Variants in ZNF451 observed in about 807,000 individuals in gnomAD.
ZNF451 encodes zinc finger protein 451, also known as E3 SUMO-protein ligase ZNF451.
A neutral mutation model predicts 107.1 loss-of-function variants in ZNF451; 80 were observed. That is an observed-to-expected ratio of 0.75 (90% confidence interval 0.62 to 0.90). ZNF451 has a LOEUF of 0.90. ZNF451 is among the 40% of genes least tolerant of loss of function. ZNF451 has a pLI of 0.00. For missense variants in ZNF451, 1,107 were observed against 1,236.2 expected (o/e 0.90, Z 1.57); for synonymous variants, 362 against 406.5 (o/e 0.89, Z 1.32).
chr6:57,156,509 T>C (rs1763431581), intron 13 of ZNF451, among the ~76,000 whole-genome samples: 1 of 152,236 alleles, frequency 6.6e-6, no homozygotes, highest in African/African-American at 2.4e-5. Flanking sequence ...GTGTTCCTTC[T>C]TGTTTTCAGA....
Position 57,147,857 on chromosome 6 carries a change from C to G in ZNF451, c.1772C>G (p.Thr591Ser), listed in dbSNP as rs149062647. ...LTANKPSSAITVIDHSPANSS... is the reference protein window; with the variant it reads ...LTANKPSSAISVIDHSPANSS... ...GCTAACAAGCCTTCATCAGCTATTA[C>G]TGTTATTGATCATTCCCCGGCAAAT... is the stretch of plus-strand genomic sequence containing the variant. Residue 591 changes from threonine to serine, a missense_variant, in exon 10 of 15, where the codon ACT (threonine) becomes AGT (serine). Thr to Ser is a moderately conservative substitution (Grantham distance 58). Transcript: ENST00000370706. 5.6e-6 allele frequency: 9 copies of G among 1,614,026 alleles called. No homozygotes were observed. The African/African-American group carries it at 1.1e-4, about 19-fold the overall frequency.
chr6:57,101,568 T>C (rs1252218242), intron 3 of ZNF451: 2 of 1,550,936 alleles, frequency 1.3e-6, no homozygotes. Flanking sequence ...CTGCCTCCAT[T>C]GCAGCCCGAG....
At chr6:57,148,732 T>C in intron 10 of ZNF451, 39 bp downstream of exon 10, 1 of 1,516,678 alleles carries the variant, frequency 6.6e-7, no homozygotes, top group East Asian at 2.3e-5. Flanking sequence ...CATATACTGA[T>C]ATTGAAACTT....
intron 13 of ZNF451, 159 bp downstream of exon 13, chr6:57,154,206 C>A: frequency 1.4e-6 from 1 of 703,358 alleles, no homozygotes; most frequent in Non-Finnish European, 2.3e-6. Flanking sequence ...AAAAATCTCA[C>A]TTTCATTCTT....
intron 3 of ZNF451, chr6:57,124,422 A>G (rs1433669802): frequency 2.8e-6 from 2 of 715,388 alleles, no homozygotes; most frequent in Middle Eastern, 4.6e-4. Context: ...TCTCTCTCCA[A>G]TTTTAGGGGT....
Position 57,148,016 on chromosome 6 carries a change from C to G in ZNF451, c.1931C>G (p.Pro644Arg), listed in dbSNP as rs761301182. 2.4e-5 allele frequency: 39 copies of G among 1,613,948 alleles called. No homozygotes were observed. The South Asian group carries it at 3.4e-4, about 14-fold the overall frequency. Residue 644 changes from proline (P) to arginine (R), a missense_variant, in exon 10 of 15, where the codon CCT (proline) becomes CGT (arginine). Physicochemically the swap from Pro to Arg is moderately radical, Grantham distance 103. This residue lies in a region of ZNF451 where 608 missense variants were observed against 649.2 expected (regional missense o/e 0.94). Coordinates refer to ENST00000370706, the MANE Select transcript of ZNF451 (RefSeq NM_001031623.3). ...TACAGCTGTGCTCACTGCAGAAAGC[C>G]TTTTCATAAGATAGAAACATTGTAC... Reference protein sequence around the residue: ...HRYSCAHCRKPFHKIETLYRH... With the variant: ...HRYSCAHCRKRFHKIETLYRH...
chr6:57,121,359 G>GT (rs1455767764), intron 3 of ZNF451, among the ~76,000 whole-genome samples: 1 of 152,012 alleles, frequency 6.6e-6, no homozygotes. Context: ...TTGGCTAATA[G>GT]TTTTTTTGCC....
chr6:57,140,363 C>T (rs1831691225), intron 7 of ZNF451, among the ~76,000 whole-genome samples: 2 of 152,062 alleles, frequency 1.3e-5, no homozygotes, highest in South Asian at 2.1e-4. Context: ...CCCAGAAGTT[C>T]GAGACCAGCC....
chr6:57,102,146 T>C (rs1007251462), intron 3 of ZNF451: 5 of 1,453,138 alleles, frequency 3.4e-6, no homozygotes, highest in Admixed American at 2.9e-5. Flanking sequence ...CTAACTATTT[T>C]ACTTGTTCCT....
At chr6:57,154,854 G>T (rs547013371) in intron 13 of ZNF451, among the ~76,000 whole-genome samples, 300 of 151,986 alleles carry the variant, frequency 2.0e-3, no homozygotes, top group Non-Finnish European at 5.3e-4. Context: ...CATTTTTATT[G>T]TGTGCCTTTA....
intron 7 of ZNF451, among the ~76,000 whole-genome samples, chr6:57,139,800 T>A (rs1339090150): frequency 6.6e-6 from 1 of 152,150 alleles, no homozygotes; most frequent in Non-Finnish European, 1.5e-5. Flanking sequence ...CTCAGCACTT[T>A]GGGAGGCCAA....
At chr6:57,105,693 A>G in intron 3 of ZNF451, 3 of 985,340 alleles carry the variant, frequency 3.0e-6, no homozygotes, top group Non-Finnish European at 2.4e-6. Context: ...TTCTATAGAT[A>G]TGCTCTAGGT....
In ZNF451 at chr6:57,153,996, G is replaced by C; in HGVS notation, c.3019G>C (p.Glu1007Gln). The C allele has an allele frequency of 6.2e-7, 1 of 1,614,152 alleles. No homozygotes were observed. The highest frequency in any genetic ancestry group is 8.5e-7 in the Non-Finnish European group (1 of 1,180,026). The change falls in exon 13 of 15, where the codon GAG becomes CAG. Residue 1007 changes from glutamate to glutamine, a missense_variant. By Grantham distance (29) the Glu-to-Gln change is conservative. Transcript: ENST00000370706. ...PAHILNPHHL[E>Q]GDMMCALLNS... ...TCATATACTAAACCCTCACCACTTA[G>C]AGGGAGATATGATGTGTGCCTTGTT...
Position 57,148,477 on chromosome 6 carries a change from T to A in ZNF451, c.2392T>A (p.Phe798Ile), listed in dbSNP as rs1340369657. The A allele has an allele frequency of 6.2e-7, 1 of 1,613,964 alleles. No homozygotes were observed. The highest frequency in any genetic ancestry group is 8.5e-7 in the Non-Finnish European group (1 of 1,179,978). ...VIKCGTCTKA[F>I]HDPESAQQHF... ...CAAGTGTGGCACCTGCACCAAAGCA[T>A]TTCATGATCCTGAGAGTGCACAGCA... is the stretch of plus-strand genomic sequence containing the variant. Residue 798 changes from phenylalanine (F) to isoleucine (I), a missense_variant, in exon 10 of 15, where the codon TTT becomes ATT. Coordinates refer to ENST00000370706, the MANE Select transcript of ZNF451 (RefSeq NM_001031623.3).
In ZNF451 at chr6:57,103,749, C is replaced by T. The variant is rs150134633; in HGVS notation, c.186+4608C>T. 1.9e-5 allele frequency: 19 copies of T among 985,234 alleles called. No individual in the cohort carries two copies. In the East Asian group the frequency reaches 3.4e-4, roughly 18 times the overall value. The allele number at this position is 985,234 out of a possible 1,614,324, so 61.0% of individuals were successfully genotyped here. On this transcript the variant is annotated intron_variant, in intron 3 of 14. Transcript: ENST00000370706. ...GCTAATGGAATATGGCACTGTTTTA[C>T]GGTTTATGTGGCTTCTGTTCTTGCC...
At chr6:57,112,680 CTG>C (rs1418122173) in intron 3 of ZNF451, among the ~76,000 whole-genome samples, 1 of 152,124 alleles carries the variant, frequency 6.6e-6, no homozygotes, top group Non-Finnish European at 1.5e-5. Context: ...TGGGTAGTAA[CTG>C]TTCTTGCAGA....
rs539216654 is a variant in ZNF451, at chr6:57,151,650, G to A, written c.2753-571G>A. Among the ~76,000 whole-genome samples, 16 of 152,004 alleles carry A rather than the reference G, an allele frequency of 1.1e-4. No individual in the cohort carries two copies. In the East Asian group the frequency reaches 1.9e-3, roughly 18 times the overall value. ...TTCAACATGCCATAACTGCCTCTTC[G>A]GTTCATCCTTGCTGTTCTTAAGTGT... On this transcript the variant is annotated intron_variant, in intron 11 of 14. Coordinates refer to ENST00000370706, the MANE Select transcript of ZNF451 (RefSeq NM_001031623.3).
intron 9 of ZNF451, among the ~76,000 whole-genome samples, chr6:57,142,460 A>G (rs1026325033): frequency 6.6e-6 from 1 of 152,238 alleles, no homozygotes; most frequent in African/African-American, 2.4e-5. Context: ...AAATTTATCA[A>G]GTAACCAAGA....
At chr6:57,134,644 A>ATG (rs1831343252) in intron 6 of ZNF451, 100 bp from the exon 7 acceptor site, 1 of 1,010,880 alleles carries the variant, frequency 9.9e-7, no homozygotes, top group Non-Finnish European at 1.4e-6. Context: ...AAAGTTCTGA[A>ATG]TGTGTGTGTA....
Sources: gnomAD v4.1 joint callset for allele counts (sites outside exome capture counted in the v4.1 genomes callset) on GRCh38, gnomAD v4.1.1 for gene constraint, gnomAD v4.1.1 regional missense constraint, MANE v1.5 for transcripts, NCBI Gene and HGNC (gene_info 2026-07-23, HGNC 2026-07-21) for gene names.